The following SPATC1 variants were observed in gnomAD, a reference collection of about 807,000 sequenced individuals.
SPATC1 encodes spermatogenesis and centriole associated 1, also known as speriolin.
SPATC1 carries 35 observed loss-of-function variants against 36.5 expected under a neutral mutation model. That is an observed-to-expected ratio of 0.96 (90% CI 0.73 to 1.27). The LOEUF is 1.27. Ranked by LOEUF, SPATC1 falls within the 50% of genes most tolerant of loss-of-function variation. The pLI, the probability that SPATC1 is intolerant of heterozygous loss-of-function variation, is 0.00. For synonymous variants in SPATC1, 361 were observed against 353.6 expected, an observed-to-expected ratio of 1.02 and a Z score of -0.24; for missense variants, 779 against 796.0, an observed-to-expected ratio of 0.98 and a Z score of 0.26.
chr8:144,018,759 C>A (rs1441779685), intron 1 of SPATC1, among the ~76,000 whole-genome samples: 1 of 150,890 alleles, frequency 6.6e-6, no homozygotes, highest in African/African-American at 2.4e-5. Flanking sequence ...GGGCTGGGCA[C>A]GGTGGCTCAC....
chr8:144,046,872 C>T lies in SPATC1; in HGVS notation c.1692C>T (p.Pro564=), dbSNP rs1215971200. ...LQRVVVETVH[P]GMLADALLLL... ...GTGTGGTGGTGGAGACCGTGCACCC[C>T]GGCATGCTCGCCGACGCGCTGCTGC... The change falls in exon 5 of 5, where the codon CCC becomes CCT. Residue 564 remains proline, a synonymous_variant. Coordinates refer to ENST00000377470, the MANE Select transcript of SPATC1 (RefSeq NM_198572.3). This position sits in a 1 kb window ranked among gnomAD's most constrained non-coding sequence, Gnocchi z 6.6. The T allele has an allele frequency of 4.4e-6, 7 of 1,600,474 alleles. No individual in the cohort carries two copies. The highest frequency in any genetic ancestry group is 4.5e-5 in the East Asian group (2 of 44,890).
intron 1 of SPATC1, among the ~76,000 whole-genome samples, chr8:144,023,605 T>C (rs1834599012): frequency 1.1e-5 from 1 of 89,132 alleles, no homozygotes; most frequent in African/African-American, 4.7e-5. Flanking sequence ...CACACTTCCC[T>C]GAAAACGCTC....
In SPATC1 at chr8:144,040,828, C is replaced by T; in HGVS notation, c.1027C>T (p.Pro343Ser). ...TVLASAPALA[P>S]QVATSYTPSS... is the part of the protein sequence containing the mutation. ...CCTTGCCTCTGCCCCCGCCCTTGCC[C>T]CCCAGGTTGCCACCAGCTACACACC... Residue 343 changes from proline to serine, a missense_variant, in exon 3 of 5, where the codon CCC (proline) becomes TCC (serine). Coordinates refer to ENST00000377470, the MANE Select transcript of SPATC1 (RefSeq NM_198572.3). 1.3e-6 allele frequency: 2 copies of T among 1,532,270 alleles called. No homozygotes were observed. The highest frequency in any genetic ancestry group is 2.4e-5 in the East Asian group (1 of 40,952). 94.9% of individuals were successfully genotyped at this position (1,532,270 alleles called of 1,614,324 possible).
In SPATC1 at chr8:144,012,604, T is replaced by G. The variant is rs1554752618; in HGVS notation, c.89T>G (p.Leu30Arg). The change falls in exon 1 of 5, where the codon CTC (leucine) becomes CGC (arginine). Residue 30 changes from leucine to arginine, a missense_variant. Physicochemically the swap from Leu to Arg is moderately radical, Grantham distance 102. Coordinates refer to ENST00000377470, the MANE Select transcript of SPATC1 (RefSeq NM_198572.3). ...GAGGAACTGAAGAAGTTGGTGCGGC[T>G]CATTCGGGAGAATCACGAGCTCAAG... ...ENEELKKLVR[L>R]IRENHELKSA... 2 of 1,551,750 alleles carry G rather than the reference T, an allele frequency of 1.3e-6. No individual in the cohort carries two copies. The highest frequency in any genetic ancestry group is 3.9e-5 in the Admixed American group (2 of 51,014).
At chr8:144,023,331 C>G (rs1191919162) in intron 1 of SPATC1, among the ~76,000 whole-genome samples, 1 of 474 alleles carries the variant, frequency 2.1e-3, no homozygotes, top group Non-Finnish European at 5.2e-3. Context: ...CCTCTCCCCT[C>G]AGGATCCTCT....
intron 1 of SPATC1, among the ~76,000 whole-genome samples, chr8:144,022,907 G>A (rs1003879394): frequency 2.0e-4 from 25 of 123,186 alleles, no homozygotes; most frequent in African/African-American, 3.2e-4. Flanking sequence ...ACCATCCCCC[G>A]CCATGGCCCT....
chr8:144,043,583 C>T (rs535142984), intron 4 of SPATC1, among the ~76,000 whole-genome samples: 2 of 152,132 alleles, frequency 1.3e-5, no homozygotes, highest in Non-Finnish European at 2.9e-5. Flanking sequence ...ACTGTGTTGC[C>T]CAGACTAACC....
upstream of SPATC1, among the ~76,000 whole-genome samples, chr8:144,011,600 A>G (rs1834284026): frequency 6.6e-6 from 1 of 152,198 alleles, no homozygotes; most frequent in Admixed American, 6.5e-5. This position sits in a 1 kb window ranked among gnomAD's most constrained non-coding sequence, Gnocchi z 4.5. Flanking sequence ...GGTCAGTACC[A>G]TAGAGTTATC....
At chr8:144,012,185 C>T (rs1311875256), upstream of SPATC1, among the ~76,000 whole-genome samples, 1 of 152,234 alleles carries the variant, frequency 6.6e-6, no homozygotes. Context: ...GCTGGGGAAA[C>T]CCAGCGGGCA....
At chr8:144,013,519 C>T (rs1834321571) in intron 1 of SPATC1, among the ~76,000 whole-genome samples, 1 of 152,188 alleles carries the variant, frequency 6.6e-6, no homozygotes, top group Non-Finnish European at 1.5e-5. Flanking sequence ...GCCCCCTACC[C>T]ACTGGGTTCC....
Position 144,045,508 on chromosome 8 carries a change from G to A in SPATC1, c.1447-1119G>A, listed in dbSNP as rs914214424. On this transcript the variant is annotated intron_variant, in intron 4 of 4. Coordinates refer to ENST00000377470, the MANE Select transcript of SPATC1 (RefSeq NM_198572.3). This position sits in a 1 kb window ranked among gnomAD's most constrained non-coding sequence, Gnocchi z 5.2. ...TTCCCTGCAGGTTGGGGACCACCAC[G>A]TCAGCCATCTGGGACACAGCAGGAC... 1.3e-4 allele frequency among the ~76,000 whole-genome samples: 20 copies of A among 152,226 alleles called. No individual in the cohort carries two copies. Among genetic ancestry groups the A allele is most frequent in the African/African-American group, 4.1e-4 (17 of 41,456 alleles).
chr8:144,039,204 A>G (rs1834993586), intron 1 of SPATC1, among the ~76,000 whole-genome samples: 1 of 152,200 alleles, frequency 6.6e-6, no homozygotes, highest in Non-Finnish European at 1.5e-5. Context: ...CCCGGGGATC[A>G]GGGGGCTTCT....
chr8:144,040,189 C>T lies in SPATC1; in HGVS notation c.492C>T (p.Thr164=), dbSNP rs1245370458. 37 of 1,611,970 alleles carry T rather than the reference C, an allele frequency of 2.3e-5. No individual in the cohort carries two copies. Among genetic ancestry groups the T allele is most frequent in the Non-Finnish European group, 2.9e-5 (34 of 1,179,694 alleles). Residue 164 remains threonine (T), a synonymous_variant, in exon 2 of 5, where the codon ACC becomes ACT. Transcript: ENST00000377470. ...CCCTGGGCCTGCCCTCCACTGGCAC[C>T]CTGACTCCCAGCAGCCTCGTGGCAG... is the stretch of plus-strand genomic sequence containing the variant. ...ASSLGLPSTG[T]LTPSSLVAGP... is the part of the protein sequence containing the mutation.
At chr8:144,012,803 G>A (rs975977934) in intron 1 of SPATC1, 77 bp downstream of exon 1, 5 of 1,454,040 alleles carry the variant, frequency 3.4e-6, no homozygotes, top group Non-Finnish European at 3.8e-6. Flanking sequence ...GTGTGCTGAG[G>A]TCTCAGGAGG....
At chr8:144,021,073 A>AC (rs1834515843) in intron 1 of SPATC1, among the ~76,000 whole-genome samples, 1 of 136,760 alleles carries the variant, frequency 7.3e-6, no homozygotes, top group African/African-American at 2.8e-5. Flanking sequence ...TCCCCTGAGG[A>AC]CCTGATGCCC....
At chr8:144,012,050 T>G (rs1487880547), upstream of SPATC1, among the ~76,000 whole-genome samples, 1 of 152,220 alleles carries the variant, frequency 6.6e-6, no homozygotes, top group Non-Finnish European at 1.5e-5. Flanking sequence ...CCAAGCCCTG[T>G]GCTGGACACT....
intron 1 of SPATC1, among the ~76,000 whole-genome samples, chr8:144,013,319 G>A (rs1554752712): frequency 6.6e-6 from 1 of 152,040 alleles, no homozygotes; most frequent in Non-Finnish European, 1.5e-5. Context: ...TCCACCCTCA[G>A]CCAGCGTACC....
intron 1 of SPATC1, among the ~76,000 whole-genome samples, chr8:144,031,886 T>C (rs1834805043): frequency 1.3e-5 from 2 of 152,064 alleles, no homozygotes; most frequent in African/African-American, 4.8e-5. Flanking sequence ...ATCCGGCTAA[T>C]TTTTCGTATT....
chr8:144,037,564 A>AG (rs563092015), intron 1 of SPATC1, among the ~76,000 whole-genome samples: 23 of 152,204 alleles, frequency 1.5e-4, no homozygotes, highest in Non-Finnish European at 2.5e-4. Context: ...GAATGGATTA[A>AG]GGGGGGTGCA....
Sources: allele counts gnomAD v4.1 joint callset (sites outside exome capture counted in the v4.1 genomes callset), GRCh38; gene constraint gnomAD v4.1.1; non-coding constraint Gnocchi (gnomAD v3.1); transcripts MANE v1.5; gene names NCBI Gene and HGNC (gene_info 2026-07-23, HGNC 2026-07-21).